CACHD1: variants seen among roughly 807,000 people sequenced by gnomAD.
The protein encoded by CACHD1 is cache domain containing 1.
CACHD1 carries 71 observed loss-of-function variants against 138.7 expected under a neutral mutation model. The ratio of observed to expected loss-of-function variants is 0.51; its 90% CI spans 0.42 to 0.62. The LOEUF is 0.62. CACHD1 is among the 20% of genes least tolerant of loss of function. CACHD1 has a pLI of 0.00. For missense variants in CACHD1, 1,389 were observed against 1,625.3 expected (o/e 0.85, Z 2.50); for synonymous variants, 578 against 591.5 (o/e 0.98, Z 0.33).
chr1:64,679,484 T>C lies in CACHD1; in HGVS notation c.3245-111T>C, dbSNP rs565002950. On this transcript the variant is annotated intron_variant, in intron 23 of 26. Coordinates refer to ENST00000651257, the MANE Select transcript of CACHD1 (RefSeq NM_020925.4). ...CTCAAAGCCTAACTAAGCATCTGTT[T>C]ATCTTCCGCCAACCCCCTTCCCACT... is the stretch of plus-strand genomic sequence containing the variant. 399 of 1,202,126 alleles carry C rather than the reference T, an allele frequency of 3.3e-4. 4 individuals carry two copies. The highest frequency in any genetic ancestry group is 2.4e-3 in the Middle Eastern group (12 of 4,924). The allele number at this position is 1,202,126 out of a possible 1,614,324, so 74.5% of individuals were successfully genotyped here.
At chr1:64,488,711 G>T (rs1175320146) in intron 1 of CACHD1, among the ~76,000 whole-genome samples, 1 of 152,150 alleles carries the variant, frequency 6.6e-6, no homozygotes, top group African/African-American at 2.4e-5. Flanking sequence ...CATCACATTA[G>T]AATTCTATAA....
At chr1:64,614,720 CTCTAT>C (rs1260106231) in intron 4 of CACHD1, among the ~76,000 whole-genome samples, 2 of 152,176 alleles carry the variant, frequency 1.3e-5, no homozygotes, top group Non-Finnish European at 2.9e-5. Context: ...TCTCATTGTC[CTCTAT>C]TCATTGAAAA....
intron 4 of CACHD1, among the ~76,000 whole-genome samples, chr1:64,605,157 G>A (rs997647183): frequency 1.3e-5 from 2 of 151,334 alleles, no homozygotes; most frequent in Non-Finnish European, 1.5e-5. Flanking sequence ...TAGAGATAGG[G>A]TTTCACCATG....
chr1:64,551,491 G>C (rs891382664), intron 2 of CACHD1, among the ~76,000 whole-genome samples: 11 of 152,110 alleles, frequency 7.2e-5, no homozygotes, highest in African/African-American at 2.7e-4. Context: ...TTTGAAGCTA[G>C]GTTTGAAACT....
intron 12 of CACHD1, among the ~76,000 whole-genome samples, chr1:64,658,008 G>A (rs748707599): frequency 6.6e-6 from 1 of 152,218 alleles, no homozygotes; most frequent in Non-Finnish European, 1.5e-5. Flanking sequence ...TAGGCACAAA[G>A]TGAATCTGAA....
intron 7 of CACHD1, among the ~76,000 whole-genome samples, chr1:64,637,461 C>G (rs1648564694): frequency 6.6e-6 from 1 of 152,174 alleles, no homozygotes; most frequent in Non-Finnish European, 1.5e-5. Flanking sequence ...CCTTGATTTT[C>G]AAATGTTGAC....
chr1:64,470,367 G>C lies in CACHD1; in HGVS notation c.-378G>C, dbSNP rs1646135132. ...GACTCGCAGGAAGCGAGAGCCGCGC[G>C]GCTCGGCTCGGGCTCCGACTCCGAC... On this transcript the variant is annotated 5_prime_UTR_variant, in exon 1 of 27. Coordinates refer to ENST00000651257, the MANE Select transcript of CACHD1 (RefSeq NM_020925.4). This position sits in a 1 kb window ranked among gnomAD's most constrained non-coding sequence, Gnocchi z 5.2. Among the ~76,000 whole-genome samples, 2 of 151,776 alleles carry C rather than the reference G, an allele frequency of 1.3e-5. No individual in the cohort carries two copies. The highest frequency in any genetic ancestry group is 2.4e-5 in the African/African-American group (1 of 41,410).
chr1:64,687,568 G>A (rs1650408570), intron 26 of CACHD1, among the ~76,000 whole-genome samples: 1 of 152,108 alleles, frequency 6.6e-6, no homozygotes, highest in African/African-American at 2.4e-5. Flanking sequence ...TTGCCTTGGA[G>A]ACAGCTGCAC....
intron 1 of CACHD1, among the ~76,000 whole-genome samples, chr1:64,527,451 A>G (rs1360836228): frequency 6.6e-6 from 1 of 152,090 alleles, no homozygotes; most frequent in East Asian, 1.9e-4. Context: ...TGTGATATGT[A>G]TTTTGTGCGG....
intron 2 of CACHD1, among the ~76,000 whole-genome samples, chr1:64,552,471 GTT>G (rs34499860): frequency 8.8e-4 from 108 of 122,902 alleles, no homozygotes; most frequent in East Asian, 2.9e-3. Flanking sequence ...ATTTTGTTTT[GTT>G]TTTTTTTTTT....
chr1:64,597,505 A>G (rs1338346021), intron 3 of CACHD1, among the ~76,000 whole-genome samples: 1 of 146,678 alleles, frequency 6.8e-6, no homozygotes, highest in Non-Finnish European at 1.5e-5. Context: ...TAAATCCAGA[A>G]GGAAGTTTTT....
intron 1 of CACHD1, among the ~76,000 whole-genome samples, chr1:64,525,963 C>A (rs1646535510): frequency 6.6e-6 from 1 of 152,114 alleles, no homozygotes; most frequent in Non-Finnish European, 1.5e-5. Flanking sequence ...TGATCCAGGA[C>A]CTGGAAAGAA....
At chr1:64,604,326 T>G (rs1441936015) in intron 4 of CACHD1, among the ~76,000 whole-genome samples, 1 of 152,208 alleles carries the variant, frequency 6.6e-6, no homozygotes, top group Non-Finnish European at 1.5e-5. Context: ...AAGTGAGGTT[T>G]ACTACTAGAA....
At chr1:64,526,637 G>T (rs1201890023) in intron 1 of CACHD1, among the ~76,000 whole-genome samples, 1 of 152,212 alleles carries the variant, frequency 6.6e-6, no homozygotes, top group Non-Finnish European at 1.5e-5. Context: ...CAAAATTGAT[G>T]AAATGAAGCA....
intron 1 of CACHD1, among the ~76,000 whole-genome samples, chr1:64,539,036 G>A (rs6656169): frequency 1.1e-4 from 16 of 152,130 alleles, no homozygotes; most frequent in African/African-American, 2.9e-4. Context: ...ATAATCTTTT[G>A]GGGGAGGTAA....
chr1:64,660,684 C>T (rs970115591), intron 13 of CACHD1, among the ~76,000 whole-genome samples: 13 of 152,138 alleles, frequency 8.5e-5, no homozygotes, highest in African/African-American at 2.9e-4. Context: ...TTGCGCACCA[C>T]CACGCCCGGC....
At chr1:64,670,346 C>T (rs1649773520) in intron 16 of CACHD1, among the ~76,000 whole-genome samples, 1 of 152,124 alleles carries the variant, frequency 6.6e-6, no homozygotes, top group Non-Finnish European at 1.5e-5. Context: ...ACTAATTTCC[C>T]CAAGCTTTAG....
chr1:64,645,510 T>A (rs1648874144), intron 8 of CACHD1, among the ~76,000 whole-genome samples: 9 of 152,102 alleles, frequency 5.9e-5, no homozygotes, highest in Middle Eastern at 3.4e-3. Context: ...ATTGTCAGAA[T>A]TAGAATGCAC....
intron 9 of CACHD1, 53 bp from the exon 10 acceptor site, chr1:64,652,108 T>C (rs1284986615): frequency 6.7e-7 from 1 of 1,485,020 alleles, no homozygotes; most frequent in Admixed American, 2.1e-5. Context: ...TTCCAGTCTT[T>C]GTCCAATTCC....
Sources: gnomAD v4.1 joint callset for allele counts (sites outside exome capture counted in the v4.1 genomes callset) on GRCh38, gnomAD v4.1.1 for gene constraint, Gnocchi (gnomAD v3.1) non-coding constraint, MANE v1.5 for transcripts, NCBI Gene and HGNC (gene_info 2026-07-23, HGNC 2026-07-21) for gene names.